Variants in FNDC3B observed in about 807,000 individuals in gnomAD.
FNDC3B encodes fibronectin type III domain-containing protein 3B.
Under a neutral mutation model 151.5 loss-of-function variants are expected in FNDC3B, and 12 were observed. That is an observed-to-expected ratio of 0.08 (90% CI 0.05 to 0.13). FNDC3B has a LOEUF of 0.13. FNDC3B is among the 10% of genes least tolerant of loss of function. The probability of loss-of-function intolerance (pLI) is 1.00; values close to 1 mark genes in which losing one functional copy is unlikely to be tolerated. For synonymous variants in FNDC3B, 528 were observed against 549.0 expected (o/e 0.96, Z 0.54); for missense variants, 1,214 against 1,505.3 (o/e 0.81, Z 3.20).
chr3:172,352,797 T>C lies in FNDC3B; in HGVS notation c.2515-6T>C, dbSNP rs1049374882. ...ATGGCCTTTGTCTTGCTGTTCTGTT[T>C]TGTAGGCCTTCAATCAAGCAGGGGC... On this transcript the variant is annotated splice_region_variant and splice_polypyrimidine_tract_variant and intron_variant, in intron 21 of 25. Transcript: ENST00000415807. This position sits in a 1 kb window ranked among gnomAD's most constrained non-coding sequence, Gnocchi z 4.2. 1 of 1,612,578 alleles carries C rather than the reference T, an allele frequency of 6.2e-7. No individual in the cohort carries two copies.
At chr3:172,255,316 C>T (rs985279535) in intron 6 of FNDC3B, among the ~76,000 whole-genome samples, 2 of 152,108 alleles carry the variant, frequency 1.3e-5, no homozygotes, top group Non-Finnish European at 1.5e-5. Flanking sequence ...TTGCCCAGGC[C>T]GGAGTGCAAT....
intron 3 of FNDC3B, among the ~76,000 whole-genome samples, chr3:172,159,408 T>C (rs941868043): frequency 6.6e-6 from 1 of 152,204 alleles, no homozygotes; most frequent in Admixed American, 6.5e-5. Context: ...TGTAGCTACA[T>C]AGTAAGTCTT....
At chr3:172,302,786 G>C (rs1730982945) in intron 9 of FNDC3B, 1 of 152,044 alleles carries the variant, frequency 6.6e-6, no homozygotes, top group African/African-American at 2.4e-5. Context: ...CAGTGCTTCT[G>C]TAAAGGGCAT....
intron 11 of FNDC3B, among the ~76,000 whole-genome samples, chr3:172,315,147 C>T (rs906320092): frequency 3.3e-5 from 5 of 152,128 alleles, no homozygotes; most frequent in Non-Finnish European, 5.9e-5. Flanking sequence ...GAGGCCCAGA[C>T]GGGTGGATTG....
intron 6 of FNDC3B, among the ~76,000 whole-genome samples, chr3:172,260,830 G>A (rs942159530): frequency 6.6e-6 from 1 of 152,130 alleles, no homozygotes; most frequent in Non-Finnish European, 1.5e-5. Flanking sequence ...TCACCTCTCT[G>A]GTTGAATTCT....
chr3:172,121,069 C>T (rs189163791), intron 2 of FNDC3B, among the ~76,000 whole-genome samples: 106 of 152,260 alleles, frequency 7.0e-4, no homozygotes, highest in Non-Finnish European at 1.2e-3. Context: ...GCTGTTGATG[C>T]GGAATGTCCT....
chr3:172,298,353 C>G (rs958512566), intron 8 of FNDC3B, among the ~76,000 whole-genome samples: 3 of 152,114 alleles, frequency 2.0e-5, no homozygotes, highest in Admixed American at 2.0e-4. Flanking sequence ...AGGTTCCTGC[C>G]AAGGTAAGTG....
At chr3:172,332,996 G>C (rs1732756613) in intron 13 of FNDC3B, 93 bp from the exon 14 acceptor site, 1 of 823,170 alleles carries the variant, frequency 1.2e-6, no homozygotes, top group Non-Finnish European at 2.1e-6. Flanking sequence ...GCTGGTGATG[G>C]TAGGGAAAGG....
At chr3:172,066,227 A>C (rs555360485) in intron 1 of FNDC3B, among the ~76,000 whole-genome samples, 3 of 152,184 alleles carry the variant, frequency 2.0e-5, no homozygotes, top group African/African-American at 7.2e-5. Context: ...TGGGTGTTCA[A>C]TATGGGTGGG....
chr3:172,040,639 C>T lies in FNDC3B; in HGVS notation c.-29+868C>T, dbSNP rs1277159196. 1 of 151,580 alleles carries T rather than the reference C, an allele frequency of 6.6e-6. No homozygotes were observed. Among genetic ancestry groups the T allele is most frequent in the Non-Finnish European group, 1.5e-5 (1 of 67,822 alleles). The allele number at this position is 151,580 out of a possible 1,614,324, so 9.4% of individuals were successfully genotyped here. A position where few individuals can be genotyped will look rare whatever the true frequency, so the allele number is the denominator to read the frequency against. On this transcript the variant is annotated intron_variant, in intron 1 of 25. Transcript: ENST00000415807. The surrounding 1 kb of genome is among the most constrained non-coding windows in gnomAD (Gnocchi z 6.6). ...GCGGAGCTCCGGTCAGTCGGTCACC[C>T]CGAGGGGCGCCTCGGCCGGGGATAG...
At chr3:172,157,538 A>G (rs781591127) in intron 3 of FNDC3B, among the ~76,000 whole-genome samples, 1 of 152,208 alleles carries the variant, frequency 6.6e-6, no homozygotes, top group Non-Finnish European at 1.5e-5. Flanking sequence ...GTGCTAGCCC[A>G]TTATAGCCAC....
intron 3 of FNDC3B, among the ~76,000 whole-genome samples, chr3:172,177,435 G>A (rs1194076990): frequency 1.3e-5 from 2 of 152,102 alleles, no homozygotes; most frequent in African/African-American, 4.8e-5. Flanking sequence ...TTGATAGAAG[G>A]TGAGTATGAA....
intron 2 of FNDC3B, among the ~76,000 whole-genome samples, chr3:172,114,594 A>G (rs908329865): frequency 6.6e-6 from 1 of 152,212 alleles, no homozygotes; most frequent in African/African-American, 2.4e-5. Flanking sequence ...TAATAAAACC[A>G]TATTTTCAAA....
intron 11 of FNDC3B, among the ~76,000 whole-genome samples, chr3:172,313,760 A>G (rs558632282): frequency 2.4e-4 from 37 of 152,160 alleles, no homozygotes; most frequent in South Asian, 4.1e-4. Flanking sequence ...ATCCCCTTAT[A>G]AAGATGAAAA....
chr3:172,212,909 A>G (rs1380776272), intron 3 of FNDC3B, among the ~76,000 whole-genome samples: 1 of 152,098 alleles, frequency 6.6e-6, no homozygotes, highest in Admixed American at 6.5e-5. Flanking sequence ...TATCATGCAT[A>G]TGCTATGGTC....
chr3:172,176,011 A>G (rs1040238925), intron 3 of FNDC3B, among the ~76,000 whole-genome samples: 1 of 152,248 alleles, frequency 6.6e-6, no homozygotes, highest in Non-Finnish European at 1.5e-5. Flanking sequence ...AGCTCAGCAT[A>G]GGTGTGCAAG....
intron 3 of FNDC3B, among the ~76,000 whole-genome samples, chr3:172,173,126 G>A (rs1487601017): frequency 6.6e-6 from 1 of 152,270 alleles, no homozygotes; most frequent in East Asian, 1.9e-4. Context: ...ACTGGAATTA[G>A]AGTATAGAGT....
At chr3:172,063,483 GTCC>G (rs930625383) in intron 1 of FNDC3B, among the ~76,000 whole-genome samples, 8 of 152,206 alleles carry the variant, frequency 5.3e-5, no homozygotes, top group African/African-American at 9.7e-5. Flanking sequence ...TGAGGACAGT[GTCC>G]TCCTCATGCA....
intron 1 of FNDC3B, among the ~76,000 whole-genome samples, chr3:172,069,633 GC>G (rs1454733507): frequency 2.0e-5 from 3 of 152,142 alleles, no homozygotes; most frequent in African/African-American, 7.2e-5. Flanking sequence ...ACTTTTCATA[GC>G]TATCTGACTT....
Sources: gnomAD v4.1 joint callset for allele counts (sites outside exome capture counted in the v4.1 genomes callset) on GRCh38, gnomAD v4.1.1 for gene constraint, Gnocchi (gnomAD v3.1) non-coding constraint, MANE v1.5 for transcripts, NCBI Gene and HGNC (gene_info 2026-07-23, HGNC 2026-07-21) for gene names.